Variants in LMNTD1 observed in about 807,000 individuals in gnomAD.
The protein encoded by LMNTD1 is lamin tail domain-containing protein 1.
In LMNTD1, 35 loss-of-function variants were observed where a neutral mutation model predicts 50.9. The observed-to-expected ratio is 0.69, with a 90% CI of 0.53 to 0.91. The LOEUF (loss-of-function observed/expected upper bound fraction) is 0.91, where lower values mean the gene tolerates loss of function less well. LMNTD1 is among the 40% of genes least tolerant of loss of function. The probability of loss-of-function intolerance (pLI) is 0.00; values close to 1 mark genes in which losing one functional copy is unlikely to be tolerated. For synonymous variants in LMNTD1, 153 were observed against 161.9 expected, an observed-to-expected ratio of 0.94 and a Z score of 0.42; for missense variants, 470 against 475.5, an observed-to-expected ratio of 0.99 and a Z score of 0.11.
chr12:25,578,354 G>T (rs1272523991), intron 1 of LMNTD1, among the ~76,000 whole-genome samples: 1 of 152,122 alleles, frequency 6.6e-6, no homozygotes, highest in East Asian at 1.9e-4. Flanking sequence ...GCTGTAGGTT[G>T]GAAAATAGTG....
chr12:25,613,473 C>T (rs1288932939), intron 1 of LMNTD1, among the ~76,000 whole-genome samples: 1 of 152,130 alleles, frequency 6.6e-6, no homozygotes, highest in Non-Finnish European at 1.5e-5. Context: ...CATTATATGG[C>T]ATAAATTACA....
At chr12:25,578,278 G>A (rs899814532) in intron 1 of LMNTD1, among the ~76,000 whole-genome samples, 1 of 152,144 alleles carries the variant, frequency 6.6e-6, no homozygotes, top group Non-Finnish European at 1.5e-5. Context: ...GAGGAGCAAA[G>A]GTGATCTGTA....
At chr12:25,595,851 C>T (rs945636304) in intron 1 of LMNTD1, among the ~76,000 whole-genome samples, 1 of 151,736 alleles carries the variant, frequency 6.6e-6, no homozygotes, top group Admixed American at 6.6e-5. Flanking sequence ...GCAAGATTAA[C>T]CAAGAAAAGA....
Position 25,526,789 on chromosome 12 carries a change from G to T in LMNTD1, c.658C>A (p.Gln220Lys). 4.3e-6 allele frequency: 7 copies of T among 1,609,238 alleles called. No homozygotes were observed. The highest frequency in any genetic ancestry group is 5.1e-6 in the Non-Finnish European group (6 of 1,177,418). ...CTCACTGTTACTGTGGAATTTGCCT[G>T]CATTACGATGTTTGGAAGGAATCGG... is the stretch of plus-strand genomic sequence containing the variant. ...LYRFLPNIVM[Q>K]ANSTVTVWAA... Residue 220 changes from glutamine to lysine, a missense_variant, in exon 5 of 10, where the codon CAG becomes AAG. Gln to Lys is a moderately conservative substitution (Grantham distance 53). Coordinates refer to ENST00000458174, the MANE Select transcript of LMNTD1 (RefSeq NM_001145728.2).
At chr12:25,641,145 T>C (rs1946952585) in intron 1 of LMNTD1, among the ~76,000 whole-genome samples, 1 of 152,130 alleles carries the variant, frequency 6.6e-6, no homozygotes, top group Non-Finnish European at 1.5e-5. Context: ...ATGTTTTGGA[T>C]GGATGGATGG....
chr12:25,547,051 A>G lies in LMNTD1; in HGVS notation c.311-497T>C, dbSNP rs553157097. ...GACTTAAACTTCCTCTATTTAATTA[A>G]AATACTTTATTAGAAAGATAAAGTC... On this transcript the variant is annotated intron_variant, in intron 3 of 9. Transcript: ENST00000458174. Among the ~76,000 whole-genome samples the G allele has an allele frequency of 3.3e-5, 5 of 151,786 alleles. No homozygotes were observed. The South Asian group carries it at 1.0e-3, about 31-fold the overall frequency.
At chr12:25,503,450 G>C (rs147885888) in intron 9 of LMNTD1, among the ~76,000 whole-genome samples, 192 of 152,208 alleles carry the variant, frequency 1.3e-3, no homozygotes, top group African/African-American at 4.4e-3. Flanking sequence ...AAGTGACTCT[G>C]GAGTTCAAGG....
At chr12:25,641,140 T>TTGGA (rs780434806) in intron 1 of LMNTD1, among the ~76,000 whole-genome samples, 32 of 152,242 alleles carry the variant, frequency 2.1e-4, no homozygotes, top group Admixed American at 5.9e-4. Flanking sequence ...CCAGTATGTT[T>TTGGA]TGGATGGATG....
intron 1 of LMNTD1, among the ~76,000 whole-genome samples, chr12:25,606,404 T>G (rs1307676740): frequency 6.6e-6 from 1 of 152,222 alleles, no homozygotes. Context: ...ATCCCTGTCT[T>G]GTGCCAGTTT....
chr12:25,509,455 T>C (rs1294001589), intron 8 of LMNTD1, among the ~76,000 whole-genome samples: 1 of 152,246 alleles, frequency 6.6e-6, no homozygotes, highest in Non-Finnish European at 1.5e-5. Context: ...TTACAACATG[T>C]ATTTTTGATT....
At chr12:25,584,733 A>T (rs773275297) in intron 1 of LMNTD1, among the ~76,000 whole-genome samples, 1 of 152,226 alleles carries the variant, frequency 6.6e-6, no homozygotes, top group African/African-American at 2.4e-5. Context: ...ACATAAAATC[A>T]TAGCTTCAAA....
intron 4 of LMNTD1, among the ~76,000 whole-genome samples, chr12:25,545,279 T>C (rs2136219514): frequency 6.6e-6 from 1 of 151,796 alleles, no homozygotes; most frequent in African/African-American, 2.4e-5. Context: ...CATTGTCTCA[T>C]TACCTCCTGA....
At chr12:25,640,830 CT>C (rs1379979909) in intron 1 of LMNTD1, among the ~76,000 whole-genome samples, 5 of 151,194 alleles carry the variant, frequency 3.3e-5, no homozygotes, top group South Asian at 2.1e-4. Context: ...GCCTGGCTAA[CT>C]TTTTTTTTGT....
At chr12:25,491,252 GTA>G (rs1938875778) in intron 9 of LMNTD1, among the ~76,000 whole-genome samples, 1 of 152,208 alleles carries the variant, frequency 6.6e-6, no homozygotes, top group Admixed American at 6.5e-5. Flanking sequence ...GGGGCAATGG[GTA>G]TAATGCAGTA....
chr12:25,506,987 C>A (rs1175752405), intron 8 of LMNTD1, among the ~76,000 whole-genome samples: 1 of 152,054 alleles, frequency 6.6e-6, no homozygotes. Context: ...TCAAGCAATT[C>A]TTGTGCCTCG....
chr12:25,581,001 G>T (rs764994425), intron 1 of LMNTD1, among the ~76,000 whole-genome samples: 2 of 152,162 alleles, frequency 1.3e-5, no homozygotes, highest in Non-Finnish European at 2.9e-5. Context: ...GTAAGCTTTA[G>T]CCTACTTGGA....
intron 1 of LMNTD1, among the ~76,000 whole-genome samples, chr12:25,615,808 C>A (rs11616151): frequency 1.3e-5 from 2 of 152,040 alleles, no homozygotes; most frequent in East Asian, 3.8e-4. Flanking sequence ...GTTGTCATAA[C>A]AAAATATTAA....
intron 1 of LMNTD1, among the ~76,000 whole-genome samples, chr12:25,609,587 G>T (rs190981056): frequency 4.7e-4 from 72 of 152,342 alleles, no homozygotes; most frequent in African/African-American, 1.6e-3. Context: ...TCCCTCAGCT[G>T]CAGGTCTGTT....
At chr12:25,500,876 A>C (rs1939347427) in intron 9 of LMNTD1, among the ~76,000 whole-genome samples, 1 of 152,160 alleles carries the variant, frequency 6.6e-6, no homozygotes, top group Non-Finnish European at 1.5e-5. Context: ...GAGTAAGGAG[A>C]GCATTTGAGA....
Sources: gnomAD v4.1 joint callset for allele counts (sites outside exome capture counted in the v4.1 genomes callset) on GRCh38, gnomAD v4.1.1 for gene constraint, MANE v1.5 for transcripts, NCBI Gene and HGNC (gene_info 2026-07-23, HGNC 2026-07-21) for gene names.